MEGF10: variants seen among roughly 807,000 people sequenced by gnomAD.
MEGF10 encodes multiple epidermal growth factor-like domains protein 10.
Under a neutral mutation model 147.5 loss-of-function variants are expected in MEGF10, and 86 were observed. The ratio of observed to expected loss-of-function variants is 0.58; its 90% CI spans 0.49 to 0.70. The LOEUF is 0.70. Ranked by LOEUF, MEGF10 falls within the 30% of genes least tolerant of loss-of-function variation. MEGF10 has a pLI of 0.00. For synonymous variants in MEGF10, 478 were observed against 525.5 expected (o/e 0.91, Z 1.24); for missense variants, 1,329 against 1,487.3 (o/e 0.89, Z 1.75).
At chr5:127,235,260 A>G in the MEGF10 span, among the ~76,000 whole-genome samples, 8 of 152,290 alleles carry the variant, frequency 5.3e-5, no homozygotes, top group East Asian at 3.9e-4. Flanking sequence ...CAAATACCCA[A>G]GGGATCTTAG....
intron 13 of MEGF10, chr5:127,424,511 T>C (rs979908836): frequency 8.3e-6 from 12 of 1,446,124 alleles, no homozygotes; most frequent in Non-Finnish European, 1.1e-5. Flanking sequence ...ACATGGGATG[T>C]CACCAGCAAC....
chr5:127,306,452 A>G (rs1760016091), intron 1 of MEGF10, among the ~76,000 whole-genome samples: 1 of 152,194 alleles, frequency 6.6e-6, no homozygotes, highest in African/African-American at 2.4e-5. Flanking sequence ...TGTGTCTAGG[A>G]TTTGGATCCA....
At chr5:127,440,667 T>G in intron 17 of MEGF10, 72 bp from the exon 18 acceptor site, 1 of 1,528,660 alleles carries the variant, frequency 6.5e-7, no homozygotes, top group Non-Finnish European at 9.0e-7. Flanking sequence ...CACAAATATG[T>G]TGGAGGCACG....
At chr5:127,231,112 C>G in the MEGF10 span, among the ~76,000 whole-genome samples, 1 of 152,330 alleles carries the variant, frequency 6.6e-6, no homozygotes, top group African/African-American at 2.4e-5. Flanking sequence ...AATCCTCCCC[C>G]TTCTCTCTCC....
the MEGF10 span, among the ~76,000 whole-genome samples, chr5:127,263,565 G>T: frequency 6.6e-6 from 1 of 152,078 alleles, no homozygotes; most frequent in Non-Finnish European, 1.5e-5. Flanking sequence ...CTGTAGGATT[G>T]CTTTTCCTGA....
chr5:127,369,261 T>G (rs1391483219), intron 4 of MEGF10, among the ~76,000 whole-genome samples: 1 of 152,196 alleles, frequency 6.6e-6, no homozygotes, highest in Non-Finnish European at 1.5e-5. Flanking sequence ...GTCCATTCAC[T>G]CATGTTTGCA....
At chr5:127,332,654 A>G (rs1225705946) in intron 2 of MEGF10, among the ~76,000 whole-genome samples, 1 of 152,206 alleles carries the variant, frequency 6.6e-6, no homozygotes, top group African/African-American at 2.4e-5. Context: ...ATATATGTAT[A>G]TAATAAAGTT....
rs766314491 is a variant in MEGF10 at position 127,449,100 on chromosome 5, CA to C, written c.2864del (p.Asn955ThrfsTer6). The stretch of plus-strand genomic sequence containing the variant: ...TTTCGTTGTTTATATTTTTAACAGT[CA>C]AAAAACAATCAACTGTTTGTGAATC... ...NNRDRMTVTK[S>X]KNNQLFVNLK... On this transcript the variant is annotated frameshift_variant and splice_region_variant, in exon 22 of 25. Transcript: ENST00000503335. LOFTEE classifies it high-confidence loss of function. 1 of 1,613,866 alleles carries C rather than the reference CA, an allele frequency of 6.2e-7. No individual in the cohort carries two copies. The highest frequency in any genetic ancestry group is 1.1e-5 in the South Asian group (1 of 91,046).
the MEGF10 span, among the ~76,000 whole-genome samples, chr5:127,258,510 C>T: frequency 1.3e-5 from 2 of 151,992 alleles, no homozygotes; most frequent in South Asian, 2.1e-4. Context: ...GAAAGATACA[C>T]AAAGAAAAAA....
chr5:127,288,189 A>G (rs1759091060), upstream of MEGF10, among the ~76,000 whole-genome samples: 1 of 152,098 alleles, frequency 6.6e-6, no homozygotes, highest in African/African-American at 2.4e-5. Flanking sequence ...GGGGTAAGCA[A>G]AGATTACTTA....
chr5:127,377,313 A>G (rs546468259), intron 5 of MEGF10, among the ~76,000 whole-genome samples: 3 of 152,332 alleles, frequency 2.0e-5, no homozygotes, highest in South Asian at 2.1e-4. Flanking sequence ...AGAGAAATCT[A>G]TTTCACCTAC....
chr5:127,416,229 C>T (rs964865085), intron 9 of MEGF10, among the ~76,000 whole-genome samples: 14 of 151,874 alleles, frequency 9.2e-5, no homozygotes, highest in African/African-American at 3.4e-4. Flanking sequence ...GAGGTTTCAC[C>T]GTGTTAGCCA....
At chr5:127,247,388 A>G in the MEGF10 span, among the ~76,000 whole-genome samples, 20 of 28,282 alleles carry the variant, frequency 7.1e-4, no homozygotes, top group African/African-American at 2.8e-3. Flanking sequence ...AAGAAGAAGA[A>G]GAAGAAGAAG....
chr5:127,314,933 T>C (rs552560404), intron 1 of MEGF10, among the ~76,000 whole-genome samples: 1 of 152,292 alleles, frequency 6.6e-6, no homozygotes, highest in South Asian at 2.1e-4. Context: ...TGGGGTGCAC[T>C]TAATTTTAAG....
the MEGF10 span, among the ~76,000 whole-genome samples, chr5:127,237,439 C>G: frequency 6.6e-6 from 1 of 152,142 alleles, no homozygotes; most frequent in East Asian, 1.9e-4. Flanking sequence ...TTAGAGTAAG[C>G]TGAGATCACA....
At chr5:127,256,893 T>G in the MEGF10 span, among the ~76,000 whole-genome samples, 53 of 152,264 alleles carry the variant, frequency 3.5e-4, no homozygotes, top group African/African-American at 1.3e-3. Flanking sequence ...TAATGTGCCC[T>G]GGGGAGAATC....
chr5:127,310,025 T>TC (rs1561562212), intron 1 of MEGF10, among the ~76,000 whole-genome samples: 1 of 31,082 alleles, frequency 3.2e-5, no homozygotes, highest in African/African-American at 1.0e-4. Flanking sequence ...TTTTTTTCTT[T>TC]CTTTCTTTCC....
intron 1 of MEGF10, among the ~76,000 whole-genome samples, chr5:127,325,186 T>G (rs1760961722): frequency 6.6e-6 from 1 of 152,168 alleles, no homozygotes; most frequent in South Asian, 2.1e-4. Context: ...TCATGAGCCT[T>G]CATAGCTCTT....
chr5:127,320,808 C>T (rs152120), intron 1 of MEGF10, among the ~76,000 whole-genome samples: 67,196 of 152,104 alleles, frequency 0.44, 16,601 homozygotes, highest in Middle Eastern at 0.61. Flanking sequence ...ATGCCTGCTG[C>T]GAGATACCTG....
Sources: gnomAD v4.1 joint callset for allele counts (sites outside exome capture counted in the v4.1 genomes callset) on GRCh38, gnomAD v4.1.1 for gene constraint, MANE v1.5 for transcripts, NCBI Gene and HGNC (gene_info 2026-07-23, HGNC 2026-07-21) for gene names.